The following CELSR3 variants were observed in gnomAD, a reference collection of about 807,000 sequenced individuals.
CELSR3 encodes EGF-like protein 1.
Under a neutral mutation model 270.0 loss-of-function variants are expected in CELSR3, and 73 were observed. The observed-to-expected ratio is 0.27, with a 90% confidence interval of 0.22 to 0.33. The LOEUF (loss-of-function observed/expected upper bound fraction) is 0.33, where lower values mean the gene tolerates loss of function less well. Ranked by LOEUF, CELSR3 falls within the 10% of genes least tolerant of loss-of-function variation. The probability of loss-of-function intolerance (pLI) is 1.00; values close to 1 mark genes in which losing one functional copy is unlikely to be tolerated. For synonymous variants in CELSR3, 1,780 were observed against 1,905.4 expected, an observed-to-expected ratio of 0.93 and a Z score of 1.71; for missense variants, 3,614 against 4,533.8, an observed-to-expected ratio of 0.80 and a Z score of 5.83.
At chr3:48,647,200 G>A (rs558675126) in intron 20 of CELSR3, among the ~76,000 whole-genome samples, 1 of 8,092 alleles carries the variant, frequency 1.2e-4, no homozygotes, top group Non-Finnish European at 2.5e-4. Flanking sequence ...GAGGGTGGAG[G>A]GGAGATGTGG....
intron 34 of CELSR3, 103 bp from the exon 35 acceptor site, chr3:48,638,335 C>T: frequency 1.2e-6 from 1 of 822,100 alleles, no homozygotes; most frequent in Admixed American, 1.7e-5. Context: ...CCCTTGCCTC[C>T]ACCACTGCTC....
chr3:48,661,278 G>T lies in CELSR3; in HGVS notation c.1357C>A (p.Leu453Met). ...RENVEEGYPI[L>M]QLRATDGDAP... Reference sequence around the variant, plus strand: ...TCGCCGTCAGTGGCACGCAGCTGCAGGATAGGGTAGCCCTCCTCCACATTC... The same window carrying T: ...TCGCCGTCAGTGGCACGCAGCTGCATGATAGGGTAGCCCTCCTCCACATTC... Residue 453 changes from leucine to methionine, a missense_variant, in exon 1 of 35, where the codon CTG becomes ATG. Leu to Met is a conservative substitution (Grantham distance 15, BLOSUM62 2). This residue lies in a region of CELSR3 where 354 missense variants were observed against 500.9 expected (regional missense o/e 0.71). Transcript: ENST00000164024. 1 of 1,613,030 alleles carries T rather than the reference G, an allele frequency of 6.2e-7. No individual in the cohort carries two copies. Among genetic ancestry groups the T allele is most frequent in the Non-Finnish European group, 8.5e-7 (1 of 1,179,524 alleles).
In CELSR3 at chr3:48,662,873, C is replaced by G. The variant is rs914562599; in HGVS notation, c.-239G>C. The G allele has an allele frequency of 3.0e-6, 1 of 328,390 alleles. No individual in the cohort carries two copies. The highest frequency in any genetic ancestry group is 2.2e-5 in the African/African-American group (1 of 45,226). 20.3% of individuals were successfully genotyped at this position (328,390 alleles called of 1,614,324 possible). ...AGCATCCCCGACGCTGCTGCCGCCT[C>G]CCGCCGCTCCAACATGGCTCCCGGC... On this transcript the variant is annotated 5_prime_UTR_variant, in exon 1 of 35. Transcript: ENST00000164024. The surrounding 1 kb of genome is among the most constrained non-coding windows in gnomAD (Gnocchi z 7.1).
Position 48,646,712 on chromosome 3 carries a change from C to G in CELSR3, c.7295+51G>C, listed in dbSNP as rs2047087654. 1.3e-6 allele frequency: 2 copies of G among 1,565,154 alleles called. No homozygotes were observed. The highest frequency in any genetic ancestry group is 2.8e-5 in the African/African-American group (2 of 72,714). On this transcript the variant is annotated intron_variant, in intron 21 of 34. Transcript: ENST00000164024. The surrounding 1 kb of genome is among the most constrained non-coding windows in gnomAD (Gnocchi z 4.8). ...ACGCATCTACCCACCAAAAAAGGGG[C>G]TGCCAGGCTGAGAAGTTCGTAGGAA...
chr3:48,658,930 G>A lies in CELSR3; in HGVS notation c.3705C>T (p.Asp1235=), dbSNP rs1448809223. ...SGELRLSRKL[D]NNRPLVASML... ...TGGAGGCCACCAGTGGGCGGTTATTGTCTAGCTTTCGGCTGAGTCGCAGCT... is the reference window on the plus strand; with the variant it reads ...TGGAGGCCACCAGTGGGCGGTTATTATCTAGCTTTCGGCTGAGTCGCAGCT... The change falls in exon 1 of 35, where the codon GAC becomes GAT. Residue 1235 remains aspartate, a synonymous_variant. Transcript: ENST00000164024. The surrounding 1 kb of genome is among the most constrained non-coding windows in gnomAD (Gnocchi z 4.7). 1.1e-5 allele frequency: 17 copies of A among 1,614,066 alleles called. No homozygotes were observed. The highest frequency in any genetic ancestry group is 2.2e-5 in the South Asian group (2 of 91,082).
chr3:48,647,745 T>C, intron 20 of CELSR3, 96 bp downstream of exon 20: 1 of 1,245,926 alleles, frequency 8.0e-7, no homozygotes, highest in South Asian at 1.3e-5. Context: ...ACTGGGGAGG[T>C]CTAGAAAGGG....
chr3:48,647,024 C>T (rs1168193394), intron 20 of CELSR3, 96 bp from the exon 21 acceptor site: 2 of 1,215,684 alleles, frequency 1.6e-6, no homozygotes, highest in Non-Finnish European at 2.2e-6. Context: ...GGGTCTCTTC[C>T]CTGCAGGAGC....
rs1410212893 is a variant in CELSR3, at chr3:48,662,352, C to T, written c.283G>A (p.Ala95Thr). 2 of 1,612,928 alleles carry T rather than the reference C, an allele frequency of 1.2e-6. No individual in the cohort carries two copies. The highest frequency in any genetic ancestry group is 1.7e-6 in the Non-Finnish European group (2 of 1,180,010). ...TCAGGGGGCCCTCGACTATTCCGGG[C>T]GCTTTGCCTTCTCCCTCGGAGCCCC... ...FVGLRGRRQS[A>T]RNSRGPPEQP... The change falls in exon 1 of 35, where the codon GCC becomes ACC. Residue 95 changes from alanine (A) to threonine (T), a missense_variant. By Grantham distance (58) the Ala-to-Thr change is moderately conservative. Transcript: ENST00000164024. The surrounding 1 kb of genome is among the most constrained non-coding windows in gnomAD (Gnocchi z 7.1).
Position 48,653,562 on chromosome 3 carries a change from A to G in CELSR3, c.5448+57T>C. ...ACCAACCTGAACCCACAAGAATGTCAGTGGCGGCCTAAGAGACTGAGAACT... is the reference window on the plus strand; with the variant it reads ...ACCAACCTGAACCCACAAGAATGTCGGTGGCGGCCTAAGAGACTGAGAACT... On this transcript the variant is annotated intron_variant, in intron 9 of 34. Coordinates refer to ENST00000164024, the MANE Select transcript of CELSR3 (RefSeq NM_001407.3). This position sits in a 1 kb window ranked among gnomAD's most constrained non-coding sequence, Gnocchi z 6.5. The G allele has an allele frequency of 6.4e-7, 1 of 1,573,862 alleles. No homozygotes were observed. Among genetic ancestry groups the G allele is most frequent in the Non-Finnish European group, 8.7e-7 (1 of 1,153,172 alleles).
Position 48,657,667 on chromosome 3 carries a change from C to T in CELSR3, c.3749-319G>A, listed in dbSNP as rs185650879. 1.1e-4 allele frequency among the ~76,000 whole-genome samples: 16 copies of T among 152,272 alleles called. No homozygotes were observed. The East Asian group carries it at 3.1e-3, about 29-fold the overall frequency. On this transcript the variant is annotated intron_variant, in intron 1 of 34. Coordinates refer to ENST00000164024, the MANE Select transcript of CELSR3 (RefSeq NM_001407.3). This position sits in a 1 kb window ranked among gnomAD's most constrained non-coding sequence, Gnocchi z 5.4. ...CTCAAGTACCCTAAGTACTCAGTAACCCACACTTCCCCAAGTTATCATGGT... is the reference window on the plus strand; with the variant it reads ...CTCAAGTACCCTAAGTACTCAGTAATCCACACTTCCCCAAGTTATCATGGT...
rs2047069316 is a variant in CELSR3 at position 48,645,222 on chromosome 3, G to A, written c.7798-13C>T. On this transcript the variant is annotated splice_polypyrimidine_tract_variant and intron_variant, in intron 24 of 34. Coordinates refer to ENST00000164024, the MANE Select transcript of CELSR3 (RefSeq NM_001407.3). The surrounding 1 kb of genome is among the most constrained non-coding windows in gnomAD (Gnocchi z 5.4). ...CAGTGCACACCAGCTGAGGGCAGGG[G>A]GGCGTGTCAGGACCTCTCCTGCCTC... is the stretch of plus-strand genomic sequence containing the variant. 3 of 1,561,548 alleles carry A rather than the reference G, an allele frequency of 1.9e-6. No homozygotes were observed. Among genetic ancestry groups the A allele is most frequent in the Admixed American group, 1.8e-5 (1 of 57,030 alleles).
At chr3:48,638,329 T>G in intron 34 of CELSR3, 97 bp from the exon 35 acceptor site, 1 of 860,216 alleles carries the variant, frequency 1.2e-6, no homozygotes, top group East Asian at 2.4e-5. Context: ...CTGCTTCCCT[T>G]GCCTCCACCA....
At position 48,662,040 on chromosome 3, in the gene CELSR3, C is replaced by G. The variant is rs755562342; in HGVS notation, c.595G>C (p.Val199Leu). Residue 199 changes from valine (V) to leucine (L), a missense_variant, in exon 1 of 35, where the codon GTG (valine) becomes CTG (leucine). Physicochemically the swap from Val to Leu is conservative, Grantham distance 32. Around this residue, in one of 7 missense-constraint regions of CELSR3, gnomAD observed 470 missense variants for 469.7 expected, o/e 1.00. Transcript: ENST00000164024. This position sits in a 1 kb window ranked among gnomAD's most constrained non-coding sequence, Gnocchi z 7.1. ...RNAGTGSRKR[V>L]GTARCCGELW... ...TCCCCACAGCAGCGCGCGGTGCCCA[C>G]TCTTTTGCGGGAGCCTGTCCCAGCG... The G allele has an allele frequency of 5.0e-6, 8 of 1,614,170 alleles. No individual in the cohort carries two copies. The highest frequency in any genetic ancestry group is 6.8e-6 in the Non-Finnish European group (8 of 1,180,044).
At position 48,639,600 on chromosome 3, in the gene CELSR3, G is replaced by A; in HGVS notation, c.9911+74C>T. On this transcript the variant is annotated intron_variant, in intron 34 of 34. Transcript: ENST00000164024. This position sits in a 1 kb window ranked among gnomAD's most constrained non-coding sequence, Gnocchi z 4.1. ...CCAGCCCTCATCCCCTTCTGTGGCAGAACACAGGGCAGGGCACACAGGAGG... is the reference window on the plus strand; with the variant it reads ...CCAGCCCTCATCCCCTTCTGTGGCAAAACACAGGGCAGGGCACACAGGAGG... The A allele has an allele frequency of 6.4e-7, 1 of 1,560,706 alleles. No homozygotes were observed. The highest frequency in any genetic ancestry group is 8.7e-7 in the Non-Finnish European group (1 of 1,148,462).
chr3:48,639,820 G>A lies in CELSR3; in HGVS notation c.9765C>T (p.Ser3255=). ...ILSSILASFN[S]SALSSVQSSS... is the part of the protein sequence containing the mutation. Reference sequence around the variant, plus strand: ...AAGATTGCACAGAGGAGAGGGCCGAGGAGTTGAAAGAGGCAAGGATGGAGG... The same window carrying A: ...AAGATTGCACAGAGGAGAGGGCCGAAGAGTTGAAAGAGGCAAGGATGGAGG... The change falls in exon 34 of 35, where the codon TCC becomes TCT. Residue 3255 remains serine (S), a synonymous_variant. Transcript: ENST00000164024. The surrounding 1 kb of genome is among the most constrained non-coding windows in gnomAD (Gnocchi z 4.1). 6.2e-7 allele frequency: 1 copy of A among 1,613,938 alleles called. No homozygotes were observed. The highest frequency in any genetic ancestry group is 8.5e-7 in the Non-Finnish European group (1 of 1,180,022).
Position 48,645,544 on chromosome 3 carries a change from T to C in CELSR3, c.7696A>G (p.Ser2566Gly). ...LTAAILLSLR[S>G]LKSNVRGIHA... is the part of the protein sequence containing the mutation. ...ATCCCACGCACATTGGACTTGAGGC[T>C]GCGCAGGCTCAGCAGGATGGCTGCA... The change falls in exon 24 of 35, where the codon AGC (serine) becomes GGC (glycine). Residue 2566 changes from serine to glycine, a missense_variant. Transcript: ENST00000164024. This position sits in a 1 kb window ranked among gnomAD's most constrained non-coding sequence, Gnocchi z 5.4. 1 of 1,612,716 alleles carries C rather than the reference T, an allele frequency of 6.2e-7. No individual in the cohort carries two copies. The highest frequency in any genetic ancestry group is 8.5e-7 in the Non-Finnish European group (1 of 1,179,998).
chr3:48,648,257 A>AACCC lies in CELSR3; in HGVS notation c.6973+8_6973+9insGGGT. On this transcript the variant is annotated intron_variant, in intron 19 of 34. Coordinates refer to ENST00000164024, the MANE Select transcript of CELSR3 (RefSeq NM_001407.3). ...TGCTGTGCCCCGCCCTACCCCACCC[A>AACCC]CAACGCACTGATATTAGGCGTCACC... The AACCC allele has an allele frequency of 1.9e-6, 1 of 515,150 alleles. No homozygotes were observed. The highest frequency in any genetic ancestry group is 3.4e-6 in the Non-Finnish European group (1 of 291,410). The allele number at this position is 515,150 out of a possible 1,614,324, so 31.9% of individuals were successfully genotyped here. A position where few individuals can be genotyped will look rare whatever the true frequency, so the allele number is the denominator to read the frequency against.
rs752173067 is a variant in CELSR3, at chr3:48,652,414, C to T, written c.5751+23G>A. 3.2e-6 allele frequency: 5 copies of T among 1,570,712 alleles called. No individual in the cohort carries two copies. In the African/African-American group the frequency reaches 6.8e-5, roughly 21 times the overall value. On this transcript the variant is annotated intron_variant, in intron 11 of 34. Transcript: ENST00000164024. This position sits in a 1 kb window ranked among gnomAD's most constrained non-coding sequence, Gnocchi z 4.3. ...GACCCCTGACCCTAATGCCCCATAT[C>T]ACATTCCCATGCTGACCCCCACCTG... is the stretch of plus-strand genomic sequence containing the variant.
Position 48,639,736 on chromosome 3 carries a change from A to G in CELSR3, c.9849T>C (p.Leu3283=). The stretch of plus-strand genomic sequence containing the variant: ...TGGCAGAACGTGGCGTGGAGGGCCC[A>G]AGCACAGAGGCTGTGGCAGAAGGTG... ...TATPSATASV[L]GPSTPRSATS... The change falls in exon 34 of 35, where the codon CTT becomes CTC. Residue 3283 remains leucine (L), a synonymous_variant. Transcript: ENST00000164024. The surrounding 1 kb of genome is among the most constrained non-coding windows in gnomAD (Gnocchi z 4.1). The G allele has an allele frequency of 6.2e-7, 1 of 1,613,658 alleles. No individual in the cohort carries two copies. The highest frequency in any genetic ancestry group is 1.3e-5 in the African/African-American group (1 of 74,998).
Sources: allele counts gnomAD v4.1 joint callset (sites outside exome capture counted in the v4.1 genomes callset), GRCh38; gene constraint gnomAD v4.1.1; regional missense constraint gnomAD v4.1.1; non-coding constraint Gnocchi (gnomAD v3.1); transcripts MANE v1.5; gene names NCBI Gene and HGNC (gene_info 2026-07-23, HGNC 2026-07-21).